Variants in BRD4 observed in about 807,000 individuals in gnomAD.
The protein encoded by BRD4 is bromodomain containing 4, also known as bromodomain-containing protein 4.
Under a neutral mutation model 142.1 loss-of-function variants are expected in BRD4, and 16 were observed. That is an observed-to-expected ratio of 0.11 (90% CI 0.08 to 0.17). The LOEUF is 0.17. BRD4 is among the 10% of genes least tolerant of loss of function. BRD4 has a pLI of 1.00. For synonymous variants in BRD4, 833 were observed against 707.5 expected, an observed-to-expected ratio of 1.18 and a Z score of -2.82; for missense variants, 1,424 against 1,810.9, an observed-to-expected ratio of 0.79 and a Z score of 3.88.
At chr19:15,297,784 T>C (rs117222166) in intron 1 of BRD4, among the ~76,000 whole-genome samples, 3,333 of 151,896 alleles carry the variant, frequency 0.022, 39 homozygotes, top group Non-Finnish European at 0.033. Flanking sequence ...CAGCAGATGA[T>C]GTAAGAGGCA....
At chr19:15,283,423 T>C (rs1284961882) in intron 1 of BRD4, among the ~76,000 whole-genome samples, 1 of 152,192 alleles carries the variant, frequency 6.6e-6, no homozygotes, top group African/African-American at 2.4e-5. Flanking sequence ...CTCATTTAAA[T>C]TTAAAACTAT....
At chr19:15,243,581 G>C in intron 13 of BRD4, 94 bp from the exon 14 acceptor site, 3 of 1,420,524 alleles carry the variant, frequency 2.1e-6, no homozygotes, top group Non-Finnish European at 2.8e-6. Flanking sequence ...GGACTCCAGT[G>C]CTCTCCTACT....
chr19:15,308,207 A>G (rs2047934164), intron 1 of BRD4, among the ~76,000 whole-genome samples: 1 of 109,262 alleles, frequency 9.2e-6, no homozygotes, highest in Non-Finnish European at 1.8e-5. Context: ...GGCAAGTCAA[A>G]ACTCCCATAC....
chr19:15,246,145 T>C (rs1393655741), intron 11 of BRD4, among the ~76,000 whole-genome samples: 1 of 152,156 alleles, frequency 6.6e-6, no homozygotes. Flanking sequence ...AAAACCTGCA[T>C]ACAGGGCTCA....
At chr19:15,268,877 C>A (rs201364641) in intron 3 of BRD4, 28 bp downstream of exon 3, 4 of 1,612,618 alleles carry the variant, frequency 2.5e-6, no homozygotes, top group Non-Finnish European at 2.5e-6. Flanking sequence ...CTCCCCAGGG[C>A]AGCTGGACAC....
At chr19:15,313,338 ACTCCAGCCTGGGCAACAAAGC>A (rs1204673344) in intron 1 of BRD4, among the ~76,000 whole-genome samples, 3 of 138,836 alleles carry the variant, frequency 2.2e-5, no homozygotes, top group African/African-American at 8.3e-5. Context: ...GTGCCACTTC[ACTCCAGCCTGGGCAACAAAGC>A]AAGACTCCAT....
At chr19:15,329,957 G>A (rs2048142613) in intron 1 of BRD4, among the ~76,000 whole-genome samples, 1 of 152,218 alleles carries the variant, frequency 6.6e-6, no homozygotes, top group South Asian at 2.1e-4. Flanking sequence ...TAGTGGAAAT[G>A]TTACTAAGTG....
At chr19:15,296,197 T>C (rs1392771645) in intron 1 of BRD4, among the ~76,000 whole-genome samples, 2 of 152,002 alleles carry the variant, frequency 1.3e-5, no homozygotes, top group African/African-American at 2.4e-5. Context: ...GAGGTTGCAG[T>C]GAGCCAAGAT....
chr19:15,286,454 T>C (rs2047740810), intron 1 of BRD4, among the ~76,000 whole-genome samples: 1 of 152,216 alleles, frequency 6.6e-6, no homozygotes, highest in South Asian at 2.1e-4. Flanking sequence ...AACTCCATAC[T>C]TGCACATCTG....
rs151059516 is a variant in BRD4 at position 15,243,417 on chromosome 19, G to C, written c.2652C>G (p.Pro884=). ...SNRAAALPPK[P]ARPPAVSPAL... ...CTGGTGACACGGCTGGGGGCCGGGC[G>C]GGCTTGGGAGGCAGGGCAGCGGCTC... Residue 884 remains proline (P), a synonymous_variant, in exon 14 of 20, where the codon CCC becomes CCG. Coordinates refer to ENST00000679869, the MANE Select transcript of BRD4 (RefSeq NM_001379291.1). The C allele has an allele frequency of 6.4e-6, 10 of 1,570,774 alleles. No individual in the cohort carries two copies. Among genetic ancestry groups the C allele is most frequent in the Non-Finnish European group, 7.8e-6 (9 of 1,161,116 alleles).
intron 1 of BRD4, among the ~76,000 whole-genome samples, chr19:15,279,865 A>G (rs979085071): frequency 4.6e-5 from 7 of 152,198 alleles, no homozygotes; most frequent in African/African-American, 1.7e-4. Flanking sequence ...TCCTGCCTTC[A>G]TTCTGTCTGG....
chr19:15,281,349 G>A (rs1474207543), intron 1 of BRD4, among the ~76,000 whole-genome samples: 2 of 152,316 alleles, frequency 1.3e-5, no homozygotes, highest in East Asian at 1.9e-4. Flanking sequence ...GCTGCTAGGG[G>A]AGAGTGTGAG....
chr19:15,307,663 C>T (rs1312216880), intron 1 of BRD4, among the ~76,000 whole-genome samples: 1 of 152,114 alleles, frequency 6.6e-6, no homozygotes, highest in African/African-American at 2.4e-5. Context: ...CACCTATAGT[C>T]CCAACTACTT....
intron 1 of BRD4, among the ~76,000 whole-genome samples, chr19:15,318,250 T>C (rs1051667263): frequency 2.0e-5 from 3 of 152,206 alleles, no homozygotes; most frequent in South Asian, 2.1e-4. Context: ...AAAACATCCA[T>C]TGGCACATAC....
intron 3 of BRD4, chr19:15,268,311 C>T (rs183225482): frequency 6.5e-6 from 1 of 153,062 alleles, no homozygotes; most frequent in East Asian, 1.9e-4. Context: ...CTTCATGGCA[C>T]AGCCGAGCCG....
intron 1 of BRD4, among the ~76,000 whole-genome samples, chr19:15,325,827 C>T (rs1254657829): frequency 3.3e-5 from 5 of 151,500 alleles, no homozygotes; most frequent in African/African-American, 9.7e-5. Context: ...GGAGAAACCC[C>T]GTCTCTACTA....
intron 1 of BRD4, among the ~76,000 whole-genome samples, chr19:15,273,833 T>A (rs1352857245): frequency 3.3e-5 from 5 of 149,960 alleles, no homozygotes; most frequent in African/African-American, 1.3e-4. Context: ...TTTTTTTTTT[T>A]TCATCTCTAG....
chr19:15,314,028 A>AG (rs1179622618), intron 1 of BRD4, among the ~76,000 whole-genome samples: 3 of 152,152 alleles, frequency 2.0e-5, no homozygotes, highest in Non-Finnish European at 1.5e-5. Context: ...AACCATCGAT[A>AG]GGGGATATTT....
chr19:15,264,293 G>A (rs1186990010), intron 6 of BRD4, 111 bp downstream of exon 6: 4 of 1,428,014 alleles, frequency 2.8e-6, no homozygotes, highest in African/African-American at 1.4e-5. Flanking sequence ...AATCCACGCA[G>A]CCACCGTTCC....
Sources: gnomAD v4.1 joint callset for allele counts (sites outside exome capture counted in the v4.1 genomes callset) on GRCh38, gnomAD v4.1.1 for gene constraint, MANE v1.5 for transcripts, NCBI Gene and HGNC (gene_info 2026-07-23, HGNC 2026-07-21) for gene names.